Variants in HPSE observed in about 807,000 individuals in gnomAD.
HPSE encodes heparanase, also known as endo-glucoronidase.
In HPSE, 48 loss-of-function variants were observed where a neutral mutation model predicts 65.1. The ratio of observed to expected loss-of-function variants is 0.74; its 90% CI spans 0.58 to 0.94. HPSE has a LOEUF of 0.94. Ranked by LOEUF, HPSE falls within the 40% of genes least tolerant of loss-of-function variation. The probability of loss-of-function intolerance (pLI) is 0.00; values close to 1 mark genes in which losing one functional copy is unlikely to be tolerated. For missense variants in HPSE, 644 were observed against 637.5 expected, an observed-to-expected ratio of 1.01 and a Z score of -0.11; for synonymous variants, 243 against 260.0, an observed-to-expected ratio of 0.93 and a Z score of 0.63.
chr4:83,308,782 G>T, intron 8 of HPSE, 63 bp downstream of exon 8: 1 of 1,251,306 alleles, frequency 8.0e-7, no homozygotes, highest in Non-Finnish European at 1.2e-6. Flanking sequence ...AGCTATTTCA[G>T]CAGAATAGAA....
At chr4:83,308,320 C>T (rs906855345) in intron 8 of HPSE, among the ~76,000 whole-genome samples, 4 of 152,104 alleles carry the variant, frequency 2.6e-5, no homozygotes, top group East Asian at 3.9e-4. Context: ...GCAGGAGAAT[C>T]GCTTCAATCC....
chr4:83,295,900 T>G (rs1000690355), intron 11 of HPSE, among the ~76,000 whole-genome samples: 19 of 152,184 alleles, frequency 1.2e-4, no homozygotes, highest in African/African-American at 4.6e-4. Flanking sequence ...AGAAAATAGA[T>G]ATATAGAATT....
In HPSE at chr4:83,313,135, T is replaced by C. The variant is rs947077441; in HGVS notation, c.652A>G (p.Ile218Val). ...LDYCSSKGYNISWELGNEPNS... is the reference protein window; with the variant it reads ...LDYCSSKGYNVSWELGNEPNS... ...TCACCATTGCCTAGTTCCCAAGAAA[T>C]GTTATACCCCTTGGAAGAGCAGTAG... The change falls in exon 4 of 12, where the codon ATT becomes GTT. Residue 218 changes from isoleucine to valine, a missense_variant. By Grantham distance (29) the Ile-to-Val change is conservative (BLOSUM62 3). Coordinates refer to ENST00000311412, the MANE Select transcript of HPSE (RefSeq NM_001098540.3). The C allele has an allele frequency of 3.7e-6, 6 of 1,612,934 alleles. No homozygotes were observed. The highest frequency in any genetic ancestry group is 5.1e-6 in the Non-Finnish European group (6 of 1,179,362).
intron 8 of HPSE, 89 bp from the exon 9 acceptor site, chr4:83,306,406 TTTATTTATTTAC>T: frequency 1.5e-6 from 1 of 656,634 alleles, no homozygotes; most frequent in Non-Finnish European, 2.7e-6. Flanking sequence ...TATTTATGTA[TTTATTTATTTAC>T]TTATTTATTT....
chr4:83,315,223 C>A (rs1211863561), intron 3 of HPSE, among the ~76,000 whole-genome samples: 1 of 152,054 alleles, frequency 6.6e-6, no homozygotes, highest in African/African-American at 2.4e-5. Flanking sequence ...ACAACTCTTG[C>A]AAGCTGCTTT....
intron 4 of HPSE, 52 bp from the exon 5 acceptor site, chr4:83,310,942 G>A (rs1736344555): frequency 7.2e-7 from 1 of 1,390,594 alleles, no homozygotes; most frequent in South Asian, 1.2e-5. Flanking sequence ...GTATTTAAAA[G>A]CAAACATATA....
At chr4:83,304,551 G>C (rs1315409213) in intron 9 of HPSE, among the ~76,000 whole-genome samples, 1 of 125,926 alleles carries the variant, frequency 7.9e-6, no homozygotes, top group Non-Finnish European at 1.7e-5. Flanking sequence ...GATCGGTGGT[G>C]GGCACAATGG....
At chr4:83,317,987 C>T (rs1031696275) in intron 3 of HPSE, among the ~76,000 whole-genome samples, 19 of 152,284 alleles carry the variant, frequency 1.2e-4, no homozygotes, top group Admixed American at 1.2e-3. Flanking sequence ...TAGAGGACAA[C>T]ATTAGCTATT....
intron 4 of HPSE, among the ~76,000 whole-genome samples, chr4:83,312,375 G>A (rs1736419795): frequency 1.3e-5 from 2 of 152,176 alleles, no homozygotes; most frequent in Non-Finnish European, 1.5e-5. Flanking sequence ...AAGTATATTT[G>A]CTAATAATAA....
intron 1 of HPSE, among the ~76,000 whole-genome samples, chr4:83,327,051 C>A (rs1737183998): frequency 6.6e-6 from 1 of 152,144 alleles, no homozygotes; most frequent in Non-Finnish European, 1.5e-5. Context: ...CTTCCTTTTT[C>A]ATTTCCTTGG....
chr4:83,314,965 G>A (rs543393404), intron 3 of HPSE, among the ~76,000 whole-genome samples: 1 of 152,062 alleles, frequency 6.6e-6, no homozygotes, highest in African/African-American at 2.4e-5. Context: ...AGACCAGCCT[G>A]CCCAATATGG....
chr4:83,331,954 G>A (rs1210928335), intron 1 of HPSE, among the ~76,000 whole-genome samples: 2 of 152,126 alleles, frequency 1.3e-5, no homozygotes, highest in Non-Finnish European at 2.9e-5. Flanking sequence ...ACCTCCCTGA[G>A]CCTCACTTTC....
At chr4:83,297,673 A>G (rs1735784371) in intron 11 of HPSE, among the ~76,000 whole-genome samples, 6 of 152,214 alleles carry the variant, frequency 3.9e-5, no homozygotes. Context: ...AACTTAAGAC[A>G]TATCAATAGC....
chr4:83,313,226 G>A lies in HPSE; in HGVS notation c.561C>T (p.Gly187=). The A allele has an allele frequency of 6.2e-7, 1 of 1,613,768 alleles. No homozygotes were observed. The highest frequency in any genetic ancestry group is 8.5e-7 in the Non-Finnish European group (1 of 1,179,872). ...ANCSGLDLIF[G]LNALLRTADL... The stretch of plus-strand genomic sequence containing the variant: ...CTGCTGTTCTTAATAACGCATTTAG[G>A]CCAAAGATCAAGTCCAGTCCTGAGC... Residue 187 remains glycine (G), a synonymous_variant, in exon 4 of 12, where the codon GGC becomes GGT. Transcript: ENST00000311412.
intron 7 of HPSE, 117 bp downstream of exon 7, chr4:83,309,285 G>A (rs1736274122): frequency 1.6e-6 from 1 of 641,068 alleles, no homozygotes; most frequent in Non-Finnish European, 2.7e-6. Context: ...AAGTCATAGT[G>A]CTTGTTCTCT....
chr4:83,331,030 C>A lies in HPSE; in HGVS notation c.227+3526G>T, dbSNP rs1578030332. Among the ~76,000 whole-genome samples the A allele has an allele frequency of 3.9e-5, 6 of 152,256 alleles. 1 individual carries two copies. Among genetic ancestry groups the A allele is most frequent in the Admixed American group, 3.9e-4 (6 of 15,304 alleles). On this transcript the variant is annotated intron_variant, in intron 1 of 11. Transcript: ENST00000311412. The stretch of plus-strand genomic sequence containing the variant: ...GATTAGCCTGGCCAACATGGTGAAA[C>A]CCTGTCTCTACTAAAAATACACAAT...
chr4:83,330,376 G>A (rs191221895), intron 1 of HPSE, among the ~76,000 whole-genome samples: 10 of 152,316 alleles, frequency 6.6e-5, no homozygotes, highest in Non-Finnish European at 1.5e-4. Flanking sequence ...GGGTTAGTGG[G>A]GAAGGCAATA....
chr4:83,308,739 T>C (rs945006517), intron 8 of HPSE, 106 bp downstream of exon 8: 8 of 831,430 alleles, frequency 9.6e-6, no homozygotes, highest in Admixed American at 2.3e-5. Context: ...GCTCAGCCAC[T>C]GAAATGGTCT....
At chr4:83,309,097 A>G (rs1283682767) in intron 7 of HPSE, 146 bp from the exon 8 acceptor site, 2 of 664,244 alleles carry the variant, frequency 3.0e-6, no homozygotes, top group African/African-American at 3.7e-5. Flanking sequence ...ATAGTCATTT[A>G]GGTCTTGGGA....
Sources: gnomAD v4.1 joint callset for allele counts (sites outside exome capture counted in the v4.1 genomes callset) on GRCh38, gnomAD v4.1.1 for gene constraint, MANE v1.5 for transcripts, NCBI Gene and HGNC (gene_info 2026-07-23, HGNC 2026-07-21) for gene names.